The following POTED variants were observed in gnomAD, a reference collection of about 807,000 sequenced individuals.
POTED encodes the protein ANKRD26-like family B member 3.
Under a neutral mutation model 19.0 loss-of-function variants are expected in POTED, and 7 were observed. That is an observed-to-expected ratio of 0.37 (90% CI 0.21 to 0.69). The LOEUF is 0.69. Among genes scored for constraint, POTED ranks in the 30% least tolerant of loss-of-function variants. The pLI is 0.56. For missense variants in POTED, 54 were observed against 278.5 expected (o/e 0.19, Z 5.74); for synonymous variants, 16 against 92.0 (o/e 0.17, Z 4.73).
At chr21:13,611,399 T>C (rs1251426978) in intron 1 of POTED, among the ~76,000 whole-genome samples, 1 of 79,196 alleles carries the variant, frequency 1.3e-5, no homozygotes, top group Non-Finnish European at 2.2e-5. Context: ...GGAAAAAGAC[T>C]TGCTTTTCCA....
chr21:13,636,992 G>GTATATATATATATATATATATATATA (rs1367233527), intron 9 of POTED, among the ~76,000 whole-genome samples: 1 of 13,072 alleles, frequency 7.6e-5, no homozygotes, highest in Non-Finnish European at 1.2e-4. Flanking sequence ...CCAGTCTCAG[G>GTATATATATATATATATATATATATA]TATATATATA....
Position 13,642,576 on chromosome 21 carries a change from T to G in POTED, c.*1010T>G, listed in dbSNP as rs2011281343. ...CACTCTACAAAAACGTGGCCAGACT[T>G]CTTTTTTAAACAAGTCCCTATTCCT... On this transcript the variant is annotated 3_prime_UTR_variant, in exon 11 of 11. Transcript: ENST00000299443. Among the ~76,000 whole-genome samples the G allele has an allele frequency of 2.6e-5, 2 of 76,702 alleles. 1 individual carries two copies. Among genetic ancestry groups the G allele is most frequent in the South Asian group, 7.5e-4 (2 of 2,650 alleles). 50.3% of individuals were successfully genotyped at this position (76,702 alleles called of 152,430 possible).
At chr21:13,619,539 C>A (rs2011166735) in intron 4 of POTED, among the ~76,000 whole-genome samples, 1 of 50,858 alleles carries the variant, frequency 2.0e-5, no homozygotes, top group Non-Finnish European at 3.2e-5. Flanking sequence ...TCCTAACTTT[C>A]TTACTTGCTA....
intron 9 of POTED, among the ~76,000 whole-genome samples, chr21:13,634,092 C>G (rs1293214464): frequency 3.1e-5 from 2 of 65,308 alleles, no homozygotes; most frequent in Non-Finnish European, 5.2e-5. Flanking sequence ...CTGAAATCTA[C>G]ACCTCATGCA....
intron 1 of POTED, among the ~76,000 whole-genome samples, chr21:13,610,955 A>G (rs1414179279): frequency 1.2e-5 from 1 of 80,286 alleles, no homozygotes; most frequent in Non-Finnish European, 2.2e-5. Context: ...TCCAATTACA[A>G]TTTCCCTTAT....
At position 13,610,013 on chromosome 21, in the gene POTED, G is replaced by A; in HGVS notation, c.-216G>A. ...CTTGGCCTTTCCTGGGGTGGGCCTG[G>A]GGTCCCCCTGGTGGGCGTGGGCTTT... On this transcript the variant is annotated 5_prime_UTR_variant, in exon 1 of 11. Transcript: ENST00000299443. The A allele has an allele frequency of 1.0e-5, 3 of 295,088 alleles. No individual in the cohort carries two copies. Among genetic ancestry groups the A allele is most frequent in the South Asian group, 7.1e-5 (2 of 28,330 alleles). 18.3% of individuals were successfully genotyped at this position (295,088 alleles called of 1,614,324 possible).
At position 13,634,867 on chromosome 21, in the gene POTED, G is replaced by C. The variant is rs1199160180; in HGVS notation, c.1409+3760G>C. 3.8e-5 allele frequency among the ~76,000 whole-genome samples: 2 copies of C among 52,028 alleles called. 1 individual carries two copies. The highest frequency in any genetic ancestry group is 6.4e-5 in the Non-Finnish European group (2 of 31,492). The allele number at this position is 52,028 out of a possible 152,430, so 34.1% of individuals were successfully genotyped here. On this transcript the variant is annotated intron_variant, in intron 9 of 10. Coordinates refer to ENST00000299443, the MANE Select transcript of POTED (RefSeq NM_174981.6). ...CCATTTGTATCTTGACATCAACGCTGTTAACCTTATGTCATCATTTCTTAG... is the reference window on the plus strand; with the variant it reads ...CCATTTGTATCTTGACATCAACGCTCTTAACCTTATGTCATCATTTCTTAG...
rs528636406 is a variant in POTED, at chr21:13,619,433, A to G, written c.918-725A>G. ...TTAAAGTATAATAAAAAATAAAAAT[A>G]AAAAACAAAACAAAAACAAAACAAA... is the stretch of plus-strand genomic sequence containing the variant. On this transcript the variant is annotated intron_variant, in intron 4 of 10. Coordinates refer to ENST00000299443, the MANE Select transcript of POTED (RefSeq NM_174981.6). Among the ~76,000 whole-genome samples, 2 of 80,214 alleles carry G rather than the reference A, an allele frequency of 2.5e-5. 1 individual carries two copies. The highest frequency in any genetic ancestry group is 6.9e-4 in the South Asian group (2 of 2,916). 52.6% of individuals were successfully genotyped at this position (80,214 alleles called of 152,430 possible).
At position 13,628,240 on chromosome 21, in the gene POTED, C is replaced by T. The variant is rs376389448; in HGVS notation, c.1127-142C>T. The T allele has an allele frequency of 9.2e-6, 3 of 326,432 alleles. No individual in the cohort carries two copies. In the South Asian group the frequency reaches 1.4e-4, roughly 15 times the overall value. The allele number at this position is 326,432 out of a possible 1,614,324, so 20.2% of individuals were successfully genotyped here. A position where few individuals can be genotyped will look rare whatever the true frequency, so the allele number is the denominator to read the frequency against. ...TGTTGAAGTTTTGGAGAATTATTTC[C>T]TAAGTAACTATTTCATGAAAGACTA... On this transcript the variant is annotated intron_variant, in intron 6 of 10. Coordinates refer to ENST00000299443, the MANE Select transcript of POTED (RefSeq NM_174981.6).
At chr21:13,610,850 A>G (rs1434074888) in intron 1 of POTED, 101 bp downstream of exon 1, 1 of 892,570 alleles carries the variant, frequency 1.1e-6, no homozygotes, top group African/African-American at 5.6e-5. Flanking sequence ...CTTCCTCCGC[A>G]GGCCCCACAC....
In POTED at chr21:13,637,606, C is replaced by T. The variant is rs1452441914; in HGVS notation, c.1410-1909C>T. Among the ~76,000 whole-genome samples the T allele has an allele frequency of 2.8e-5, 2 of 70,484 alleles. 1 individual carries two copies. The highest frequency in any genetic ancestry group is 2.3e-4 in the African/African-American group (2 of 8,886). The allele number at this position is 70,484 out of a possible 152,430, so 46.2% of individuals were successfully genotyped here. On this transcript the variant is annotated intron_variant, in intron 9 of 10. Coordinates refer to ENST00000299443, the MANE Select transcript of POTED (RefSeq NM_174981.6). ...CTCACTTTGATGATTATTTCTTTTG[C>T]TGTGCTGAAGCTTTTTACTTTAATT... is the stretch of plus-strand genomic sequence containing the variant.
rs1270708902 is a variant in POTED at position 13,619,356 on chromosome 21, A to G, written c.918-802A>G. Among the ~76,000 whole-genome samples, 33 of 71,582 alleles carry G rather than the reference A, an allele frequency of 4.6e-4. 12 individuals carry two copies. The highest frequency in any genetic ancestry group is 2.9e-3 in the African/African-American group (29 of 10,064). 47.0% of individuals were successfully genotyped at this position (71,582 alleles called of 152,430 possible). On this transcript the variant is annotated intron_variant, in intron 4 of 10. Coordinates refer to ENST00000299443, the MANE Select transcript of POTED (RefSeq NM_174981.6). ...AGTGGGTGCAGCGCACCAGCATGGCACATGTATACATATGTAACTAACCTG... is the reference window on the plus strand; with the variant it reads ...AGTGGGTGCAGCGCACCAGCATGGCGCATGTATACATATGTAACTAACCTG...
At chr21:13,636,447 A>G (rs2011234885) in intron 9 of POTED, among the ~76,000 whole-genome samples, 1 of 78,674 alleles carries the variant, frequency 1.3e-5, no homozygotes, top group Admixed American at 1.1e-4. Flanking sequence ...TCTCAGTACA[A>G]TAACGGTGAT....
rs1339132685 is a variant in POTED, at chr21:13,636,433, TTCTTC to T, written c.1410-3079_1410-3075del. On this transcript the variant is annotated intron_variant, in intron 9 of 10. Transcript: ENST00000299443. ...TTTTAAATTCCTTTTCTTGTTCACT[TTCTTC>T]TCAGTACAATAACGGTGATATTCTT... 3.9e-5 allele frequency among the ~76,000 whole-genome samples: 3 copies of T among 77,588 alleles called. 1 individual carries two copies. The highest frequency in any genetic ancestry group is 6.7e-5 in the Non-Finnish European group (3 of 44,700). The allele number at this position is 77,588 out of a possible 152,430, so 50.9% of individuals were successfully genotyped here.
chr21:13,642,001 G>GGCATA lies in POTED; in HGVS notation c.*439_*443dup, dbSNP rs1269214726. On this transcript the variant is annotated 3_prime_UTR_variant, in exon 11 of 11. Coordinates refer to ENST00000299443, the MANE Select transcript of POTED (RefSeq NM_174981.6). ...CCACCAGGGGCAGAAGAGATCCTGT[G>GGCATA]GCATAGCACAGCTGCTTTACCAAAT... 3.0e-5 allele frequency among the ~76,000 whole-genome samples: 2 copies of GGCATA among 65,618 alleles called. 1 individual carries two copies. Among genetic ancestry groups the GGCATA allele is most frequent in the Non-Finnish European group, 5.2e-5 (2 of 38,818 alleles). The allele number at this position is 65,618 out of a possible 152,430, so 43.0% of individuals were successfully genotyped here.
intron 9 of POTED, among the ~76,000 whole-genome samples, chr21:13,636,669 C>G (rs2011236592): frequency 1.4e-5 from 1 of 72,692 alleles, no homozygotes; most frequent in Non-Finnish European, 2.4e-5. Flanking sequence ...ACACCCCCCC[C>G]CCAATAGTTT....
In POTED at chr21:13,645,699, A is replaced by G. The variant is rs1412978392; in HGVS notation, c.*4133A>G. Among the ~76,000 whole-genome samples, 2 of 85,056 alleles carry G rather than the reference A, an allele frequency of 2.4e-5. 1 individual carries two copies. Among genetic ancestry groups the G allele is most frequent in the Non-Finnish European group, 4.3e-5 (2 of 46,522 alleles). 55.8% of individuals were successfully genotyped at this position (85,056 alleles called of 152,430 possible). ...TGCAAAAAAGCCAGCTGACAGCATG[A>G]CGACAGGATCAAATCCACACATACC... On this transcript the variant is annotated 3_prime_UTR_variant, in exon 11 of 11. Coordinates refer to ENST00000299443, the MANE Select transcript of POTED (RefSeq NM_174981.6).
rs1276284137 is a variant in POTED at position 13,645,540 on chromosome 21, C to T, written c.*3974C>T. Among the ~76,000 whole-genome samples, 26 of 128,562 alleles carry T rather than the reference C, an allele frequency of 2.0e-4. 5 individuals carry two copies. Among genetic ancestry groups the T allele is most frequent in the African/African-American group, 7.5e-4 (23 of 30,464 alleles). 84.3% of individuals were successfully genotyped at this position (128,562 alleles called of 152,430 possible). ...CAGACAAGCAAATGCTGAGGGAATT[C>T]GTTATCACCAGACCTACCTTACAAG... On this transcript the variant is annotated 3_prime_UTR_variant, in exon 11 of 11. Transcript: ENST00000299443.
Position 13,637,009 on chromosome 21 carries a change from T to A in POTED, c.1410-2506T>A, listed in dbSNP as rs1452873606. Among the ~76,000 whole-genome samples, 255 of 35,936 alleles carry A rather than the reference T, an allele frequency of 7.1e-3. 111 individuals are homozygous for A. In the African/African-American group the frequency reaches 0.076, roughly 11 times the overall value. 23.6% of individuals were successfully genotyped at this position (35,936 alleles called of 152,430 possible). ...AGTCTCAGGTATATATATATATTTT[T>A]TTTTTTTTTTCTTTATTCCACTCAT... On this transcript the variant is annotated intron_variant, in intron 9 of 10. Coordinates refer to ENST00000299443, the MANE Select transcript of POTED (RefSeq NM_174981.6).
Sources: gnomAD v4.1 joint callset for allele counts (sites outside exome capture counted in the v4.1 genomes callset) on GRCh38, gnomAD v4.1.1 for gene constraint, MANE v1.5 for transcripts, NCBI Gene and HGNC (gene_info 2026-07-23, HGNC 2026-07-21) for gene names.